KCND3: variants seen among roughly 807,000 people sequenced by gnomAD.
KCND3 encodes A-type voltage-gated potassium channel KCND3.
In KCND3, 9 loss-of-function variants were observed where a neutral mutation model predicts 51.1. That is an observed-to-expected ratio of 0.18 (90% CI 0.11 to 0.31). The LOEUF (loss-of-function observed/expected upper bound fraction) is 0.31. Among genes scored for constraint, KCND3 ranks in the 10% least tolerant of loss-of-function variants. The pLI, the probability that KCND3 is intolerant of heterozygous loss-of-function variation, is 1.00. For missense variants in KCND3, 526 were observed against 903.8 expected (o/e 0.58, Z 5.36); for synonymous variants, 349 against 368.0 (o/e 0.95, Z 0.59).
intron 2 of KCND3, among the ~76,000 whole-genome samples, chr1:111,980,493 G>GAA (rs111803216): frequency 6.8e-6 from 1 of 146,922 alleles, no homozygotes; most frequent in Admixed American, 6.8e-5. Context: ...TTTTGGCCAG[G>GAA]AAAAAAAAAA....
intron 2 of KCND3, among the ~76,000 whole-genome samples, chr1:111,937,650 T>C (rs974097609): frequency 3.3e-5 from 5 of 152,062 alleles, no homozygotes; most frequent in African/African-American, 1.2e-4. Context: ...AGTGTAGCCA[T>C]CAGAGAGGGA....
At chr1:111,916,111 A>T (rs1189821058) in intron 2 of KCND3, among the ~76,000 whole-genome samples, 1 of 152,234 alleles carries the variant, frequency 6.6e-6, no homozygotes, top group Admixed American at 6.5e-5. Flanking sequence ...CGAACCAACA[A>T]CAGCACAATC....
In KCND3 at chr1:111,971,885, AG is replaced by A. The variant is rs1434195541; in HGVS notation, c.1106+9735del. Among the ~76,000 whole-genome samples the A allele has an allele frequency of 3.3e-5, 5 of 152,230 alleles. No homozygotes were observed. In the East Asian group the frequency reaches 7.7e-4, roughly 23 times the overall value. ...CTCTTCCGGGGTGTCATTCCATTCC[AG>A]TCCTTTCTCTTCTGTTTCATTGCAA... On this transcript the variant is annotated intron_variant, in intron 2 of 7. Coordinates refer to ENST00000302127, the MANE Select transcript of KCND3 (RefSeq NM_001378969.1).
chr1:111,871,564 TG>T (rs1236555261), intron 2 of KCND3, among the ~76,000 whole-genome samples: 3 of 152,134 alleles, frequency 2.0e-5, no homozygotes, highest in Non-Finnish European at 4.4e-5. Flanking sequence ...TTGAGTTTAA[TG>T]GATTGTAAGG....
intron 2 of KCND3, among the ~76,000 whole-genome samples, chr1:111,875,522 C>G (rs1212512644): frequency 4.6e-5 from 7 of 152,180 alleles, no homozygotes; most frequent in Non-Finnish European, 7.3e-5. Flanking sequence ...AATGAAAGTT[C>G]AGAAAGCTGG....
chr1:111,950,814 A>G (rs1673024844), intron 2 of KCND3, among the ~76,000 whole-genome samples: 1 of 152,180 alleles, frequency 6.6e-6, no homozygotes. Flanking sequence ...GAGGACCCCA[A>G]GTTTCTGGCC....
chr1:111,796,100 G>A (rs1466165264), intron 2 of KCND3, among the ~76,000 whole-genome samples: 1 of 152,152 alleles, frequency 6.6e-6, no homozygotes, highest in East Asian at 1.9e-4. Flanking sequence ...TTGTCGGATT[G>A]CATAGTTTGC....
intron 2 of KCND3, among the ~76,000 whole-genome samples, chr1:111,973,876 C>T (rs536338536): frequency 1.3e-5 from 2 of 152,332 alleles, no homozygotes; most frequent in African/African-American, 4.8e-5. Flanking sequence ...GATCTTACAG[C>T]ATCACATTAC....
At chr1:111,894,194 C>T (rs915707421) in intron 2 of KCND3, among the ~76,000 whole-genome samples, 1 of 152,204 alleles carries the variant, frequency 6.6e-6, no homozygotes, top group African/African-American at 2.4e-5. Context: ...TGCCTTACCC[C>T]ACTTGTTCAC....
chr1:111,901,755 C>T (rs893025519), intron 2 of KCND3, among the ~76,000 whole-genome samples: 3 of 152,116 alleles, frequency 2.0e-5, no homozygotes, highest in Admixed American at 6.5e-5. Flanking sequence ...CCTGACCTCT[C>T]CTGCCTGGAG....
intron 2 of KCND3, among the ~76,000 whole-genome samples, chr1:111,794,007 C>T (rs1184354528): frequency 2.6e-5 from 4 of 152,066 alleles, no homozygotes; most frequent in Non-Finnish European, 5.9e-5. Flanking sequence ...GTGCCCAGCC[C>T]AGAGTTAGGA....
At chr1:111,849,780 C>T (rs1157037497) in intron 2 of KCND3, among the ~76,000 whole-genome samples, 1 of 152,200 alleles carries the variant, frequency 6.6e-6, no homozygotes, top group Non-Finnish European at 1.5e-5. Context: ...CTTATCTGTT[C>T]TCCTGAAAAC....
At chr1:111,970,236 C>T (rs921960633) in intron 2 of KCND3, among the ~76,000 whole-genome samples, 5 of 152,092 alleles carry the variant, frequency 3.3e-5, no homozygotes, top group South Asian at 2.1e-4. Context: ...AGGATGGTCT[C>T]GAATTTCTGA....
intron 2 of KCND3, among the ~76,000 whole-genome samples, chr1:111,835,282 G>C (rs1667020913): frequency 6.6e-6 from 1 of 152,168 alleles, no homozygotes; most frequent in South Asian, 2.1e-4. Context: ...ATCATTTTTA[G>C]TTGTTGATTT....
At position 111,828,804 on chromosome 1, in the gene KCND3, C is replaced by T. The variant is rs559561390; in HGVS notation, c.1107-41698G>A. Among the ~76,000 whole-genome samples the T allele has an allele frequency of 2.8e-4, 42 of 152,288 alleles. 1 individual carries two copies. The South Asian group carries it at 8.5e-3, about 31-fold the overall frequency. ...CACCCCAGCCACTGCTGCATGAGGCCCCTGGAACCAAGGTACTGCTTCCTA... is the reference window on the plus strand; with the variant it reads ...CACCCCAGCCACTGCTGCATGAGGCTCCTGGAACCAAGGTACTGCTTCCTA... On this transcript the variant is annotated intron_variant, in intron 2 of 7. Transcript: ENST00000302127.
chr1:111,866,338 C>A (rs1488135237), intron 2 of KCND3, among the ~76,000 whole-genome samples: 1 of 136,902 alleles, frequency 7.3e-6, no homozygotes, highest in Non-Finnish European at 1.5e-5. Context: ...GATCTAGGTT[C>A]ACTCCAACCT....
intron 2 of KCND3, among the ~76,000 whole-genome samples, chr1:111,849,357 G>T (rs1667705642): frequency 6.6e-6 from 1 of 152,232 alleles, no homozygotes; most frequent in South Asian, 2.1e-4. Context: ...GCAAGCAGGG[G>T]CTAAGCCCAG....
intron 1 of KCND3, among the ~76,000 whole-genome samples, chr1:111,983,856 G>A (rs1219844109): frequency 2.0e-5 from 3 of 152,138 alleles, no homozygotes; most frequent in Non-Finnish European, 4.4e-5. Context: ...GTGGACAGAG[G>A]GAGCAATGGC....
At chr1:111,877,222 G>A (rs1445902935) in intron 2 of KCND3, among the ~76,000 whole-genome samples, 1 of 152,252 alleles carries the variant, frequency 6.6e-6, no homozygotes, top group African/African-American at 2.4e-5. Flanking sequence ...TGAAGTGCCA[G>A]GCACTGTGCC....
Sources: allele counts gnomAD v4.1 joint callset (sites outside exome capture counted in the v4.1 genomes callset), GRCh38; gene constraint gnomAD v4.1.1; transcripts MANE v1.5; gene names NCBI Gene and HGNC (gene_info 2026-07-23, HGNC 2026-07-21).